HPR: variants seen among roughly 807,000 people sequenced by gnomAD.
HPR encodes the protein haptoglobin-related protein, also known as Haptoglobin-related locus.
Under a neutral mutation model 18.5 loss-of-function variants are expected in HPR, and 17 were observed. The ratio of observed to expected loss-of-function variants is 0.92; its 90% confidence interval spans 0.63 to 1.38. The LOEUF is 1.38. HPR is among the 40% of genes most tolerant of loss of function. The pLI, the probability that HPR is intolerant of heterozygous loss-of-function variation, is 0.00. For synonymous variants in HPR, 176 were observed against 165.0 expected, an observed-to-expected ratio of 1.07 and a Z score of -0.51; for missense variants, 457 against 432.4, an observed-to-expected ratio of 1.06 and a Z score of -0.51.
chr16:72,069,049 C>T (rs189921744), intron 1 of HPR, among the ~76,000 whole-genome samples: 4 of 152,148 alleles, frequency 2.6e-5, no homozygotes, highest in Non-Finnish European at 5.9e-5. Context: ...TGGAGAAATT[C>T]TCTATGTATA....
chr16:72,066,032 A>C (rs1337684940), intron 1 of HPR, among the ~76,000 whole-genome samples: 1 of 152,170 alleles, frequency 6.6e-6, no homozygotes. Flanking sequence ...TTCATTGCCA[A>C]CCTAAATATC....
rs1272934488 is a variant in HPR at position 72,063,235 on chromosome 16, C to G, written c.-21C>G. The G allele has an allele frequency of 6.3e-7, 1 of 1,590,372 alleles. No individual in the cohort carries two copies. Among genetic ancestry groups the G allele is most frequent in the Non-Finnish European group, 8.6e-7 (1 of 1,166,874 alleles). ...GCAGATGCCCCACAGCACTGCTCTT[C>G]CAGAGGCAAGACCAACCAAGATGAG... On this transcript the variant is annotated 5_prime_UTR_variant, in exon 1 of 5. Coordinates refer to ENST00000540303, the MANE Select transcript of HPR (RefSeq NM_020995.4).
chr16:72,074,008 T>A (rs773478553), intron 2 of HPR, 31 bp downstream of exon 2: 1 of 1,613,408 alleles, frequency 6.2e-7, no homozygotes, highest in South Asian at 1.1e-5. Flanking sequence ...GGAGCATGCA[T>A]CCCTGGCACT....
chr16:72,069,002 T>C (rs910378267), intron 1 of HPR, among the ~76,000 whole-genome samples: 2 of 152,162 alleles, frequency 1.3e-5, no homozygotes, highest in African/African-American at 2.4e-5. Flanking sequence ...TCCCAGCTGA[T>C]TGAGGGAAAA....
Position 72,077,142 on chromosome 16 carries a change from T to A in HPR, c.*61T>A. The A allele has an allele frequency of 6.6e-7, 1 of 1,514,664 alleles. No individual in the cohort carries two copies. The allele number at this position is 1,514,664 out of a possible 1,614,324, so 93.8% of individuals were successfully genotyped here. On this transcript the variant is annotated 3_prime_UTR_variant, in exon 5 of 5. Transcript: ENST00000540303. The stretch of plus-strand genomic sequence containing the variant: ...GATTTCAGCCTGGAAGAGGGCAAAG[T>A]GGACGGGAGTGGACAGGAGTGGATG...
intron 1 of HPR, 141 bp from the exon 2 acceptor site, chr16:72,073,748 GGCT>G (rs754861989): frequency 1.3e-6 from 2 of 1,573,434 alleles, no homozygotes; most frequent in South Asian, 1.1e-5. Context: ...TTTCTTTTCT[GGCT>G]GCTTAGTGGG....
intron 3 of HPR, 109 bp downstream of exon 3, chr16:72,074,494 A>G (rs972312338): frequency 9.2e-6 from 9 of 976,522 alleles, no homozygotes; most frequent in Non-Finnish European, 1.3e-5. Flanking sequence ...CTCTCCTTGG[A>G]GCCAGGAGAT....
intron 1 of HPR, among the ~76,000 whole-genome samples, chr16:72,066,045 T>C (rs1597415382): frequency 6.6e-6 from 1 of 152,126 alleles, no homozygotes; most frequent in African/African-American, 2.4e-5. Context: ...TAAATATCCT[T>C]CCTTAAAAGG....
intron 1 of HPR, among the ~76,000 whole-genome samples, chr16:72,069,241 G>C (rs1335431688): frequency 6.6e-6 from 1 of 152,126 alleles, no homozygotes; most frequent in Non-Finnish European, 1.5e-5. Flanking sequence ...CTCACTAATA[G>C]TAAAGGTCAT....
At chr16:72,070,283 G>A (rs1406384006) in intron 1 of HPR, among the ~76,000 whole-genome samples, 2 of 152,146 alleles carry the variant, frequency 1.3e-5, no homozygotes, top group African/African-American at 2.4e-5. Flanking sequence ...TAAAAGATCA[G>A]TTCCTCAAAA....
intron 1 of HPR, among the ~76,000 whole-genome samples, chr16:72,073,271 A>T (rs2041676698): frequency 6.6e-6 from 1 of 152,182 alleles, no homozygotes; most frequent in African/African-American, 2.4e-5. Flanking sequence ...AACCGAACCT[A>T]TGAGGAGCAA....
chr16:72,076,966 G>A lies in HPR; in HGVS notation c.932G>A (p.Trp311Ter). 1 of 1,614,224 alleles carries A rather than the reference G, an allele frequency of 6.2e-7. No homozygotes were observed. The highest frequency in any genetic ancestry group is 1.1e-5 in the South Asian group (1 of 91,082). The change falls in exon 5 of 5, where the codon TGG becomes TAG. Residue 311 changes from tryptophan (W) to a stop codon, truncating the protein, a stop_gained. Transcript: ENST00000540303. LOFTEE classifies it high-confidence loss of function. ...FAVHDLEEDT[W>*]YAAGILSFDK... ...GTTCACGACCTGGAGGAGGACACCT[G>A]GTACGCGGCTGGGATCCTAAGCTTT...
chr16:72,073,653 T>C (rs2041680623), intron 1 of HPR: 2 of 1,368,944 alleles, frequency 1.5e-6, no homozygotes, highest in African/African-American at 1.4e-5. Context: ...TGCTGGAAGC[T>C]TGGTATGCTC....
chr16:72,073,969 A>T lies in HPR; in HGVS notation c.83A>T (p.Asp28Val). 1 of 1,614,034 alleles carries T rather than the reference A, an allele frequency of 6.2e-7. No individual in the cohort carries two copies. Among genetic ancestry groups the T allele is most frequent in the Non-Finnish European group, 8.5e-7 (1 of 1,179,996 alleles). Residue 28 changes from aspartate (D) to valine (V), a missense_variant, in exon 2 of 5, where the codon GAT becomes GTT. Transcript: ENST00000540303. Reference sequence around the variant, plus strand: ...CTGTACTCAGGCAATGATGTCACGGATATTTCAGGTCAGTCTTTGAGTTGG... The same window carrying T: ...CTGTACTCAGGCAATGATGTCACGGTTATTTCAGGTCAGTCTTTGAGTTGG... Reference protein sequence around the residue: ...FALYSGNDVTDISDDRFPKPP... With the variant: ...FALYSGNDVTVISDDRFPKPP...
chr16:72,068,475 C>T (rs1268500846), intron 1 of HPR, among the ~76,000 whole-genome samples: 2 of 152,170 alleles, frequency 1.3e-5, no homozygotes, highest in Non-Finnish European at 2.9e-5. Flanking sequence ...AAAACCTGAG[C>T]ATCTCCTGTG....
At chr16:72,067,568 C>G (rs2144063365) in intron 1 of HPR, among the ~76,000 whole-genome samples, 1 of 152,260 alleles carries the variant, frequency 6.6e-6, no homozygotes, top group East Asian at 1.9e-4. Flanking sequence ...TACATTCATC[C>G]TGATGTTTGG....
At position 72,073,968 on chromosome 16, in the gene HPR, G is replaced by C. The variant is rs766844305; in HGVS notation, c.82G>C (p.Asp28His). 3 of 1,614,066 alleles carry C rather than the reference G, an allele frequency of 1.9e-6. No homozygotes were observed. The highest frequency in any genetic ancestry group is 2.5e-6 in the Non-Finnish European group (3 of 1,179,994). Residue 28 changes from aspartate (D) to histidine (H), a missense_variant, in exon 2 of 5, where the codon GAT (aspartate) becomes CAT (histidine). Physicochemically the swap from Asp to His is moderately conservative, Grantham distance 81. Coordinates refer to ENST00000540303, the MANE Select transcript of HPR (RefSeq NM_020995.4). ...FALYSGNDVT[D>H]ISDDRFPKPP... is the part of the protein sequence containing the mutation. The stretch of plus-strand genomic sequence containing the variant: ...ACTGTACTCAGGCAATGATGTCACG[G>C]ATATTTCAGGTCAGTCTTTGAGTTG...
intron 4 of HPR, among the ~76,000 whole-genome samples, chr16:72,075,667 C>A (rs1214922031): frequency 6.6e-6 from 1 of 152,216 alleles, no homozygotes; most frequent in African/African-American, 2.4e-5. Context: ...GAACCAGAGG[C>A]AAAGGCCCAG....
chr16:72,067,878 C>A (rs912951017), intron 1 of HPR, among the ~76,000 whole-genome samples: 1 of 152,130 alleles, frequency 6.6e-6, no homozygotes, highest in Admixed American at 6.5e-5. Context: ...ACCCTTACAC[C>A]ATTCTCAGCA....
Sources: allele counts gnomAD v4.1 joint callset (sites outside exome capture counted in the v4.1 genomes callset), GRCh38; gene constraint gnomAD v4.1.1; transcripts MANE v1.5; gene names NCBI Gene and HGNC (gene_info 2026-07-23, HGNC 2026-07-21).